OR9Q1: variants seen among roughly 807,000 people sequenced by gnomAD.
OR9Q1 encodes the protein olfactory receptor family 9 subfamily Q member 1.
For missense variants in OR9Q1, 374 were observed against 378.8 expected, an observed-to-expected ratio of 0.99 and a Z score of 0.11; for synonymous variants, 153 against 148.6, an observed-to-expected ratio of 1.03 and a Z score of -0.22.
intron 2 of OR9Q1, among the ~76,000 whole-genome samples, chr11:58,149,213 C>T (rs1854327490): frequency 6.6e-6 from 1 of 152,024 alleles, no homozygotes; most frequent in Non-Finnish European, 1.5e-5. Context: ...TAAAAATAGC[C>T]TGTTGACATC....
At chr11:58,156,790 T>C (rs551967208) in intron 2 of OR9Q1, among the ~76,000 whole-genome samples, 20 of 152,202 alleles carry the variant, frequency 1.3e-4, no homozygotes, top group Non-Finnish European at 2.6e-4. Context: ...TATCTATCCA[T>C]ATATTTGATA....
At chr11:58,085,320 C>A (rs895840871) in intron 2 of OR9Q1, among the ~76,000 whole-genome samples, 2 of 151,794 alleles carry the variant, frequency 1.3e-5, no homozygotes, top group Non-Finnish European at 2.9e-5. Context: ...GTGAGACCAT[C>A]ACCACAATCA....
chr11:58,044,875 T>C (rs757589860), intron 1 of OR9Q1: 3 of 152,196 alleles, frequency 2.0e-5, no homozygotes, highest in Non-Finnish European at 4.4e-5. Context: ...AATGGAGATA[T>C]AGATGGGGCA....
intron 2 of OR9Q1, among the ~76,000 whole-genome samples, chr11:58,169,680 A>T (rs1046699565): frequency 3.9e-5 from 6 of 151,914 alleles, no homozygotes. Flanking sequence ...TCAATTCAAA[A>T]TTTTTTCTCA....
intron 2 of OR9Q1, chr11:58,124,772 C>T (rs897909946): frequency 1.3e-5 from 2 of 152,212 alleles, no homozygotes; most frequent in Non-Finnish European, 2.9e-5. Context: ...CCCTGGTTCT[C>T]TGACCCCAGA....
At chr11:58,050,471 G>A (rs1477962564) in intron 1 of OR9Q1, among the ~76,000 whole-genome samples, 8 of 121,464 alleles carry the variant, frequency 6.6e-5, no homozygotes, top group African/African-American at 2.1e-4. Flanking sequence ...AGATTTAAAC[G>A]TTAGACCTAA....
rs150407754 is a variant in OR9Q1, at chr11:58,179,992, C to T, written c.548C>T (p.Pro183Leu). The T allele has an allele frequency of 1.4e-4, 227 of 1,614,042 alleles. 1 individual carries two copies. In the African/African-American group the frequency reaches 2.5e-3, roughly 18 times the overall value. The change falls in exon 3 of 3, where the codon CCT (proline) becomes CTT (leucine). Residue 183 changes from proline to leucine, a missense_variant. Coordinates refer to ENST00000335397, the MANE Select transcript of OR9Q1 (RefSeq NM_001005212.4). ...EIDFIFCDLPPLLKLTCGESY... is the reference protein window; with the variant it reads ...EIDFIFCDLPLLLKLTCGESY... Reference sequence around the variant, plus strand: ...GACTTTATTTTCTGTGACCTCCCTCCTCTGTTAAAGTTGACCTGTGGGGAG... The same window carrying T: ...GACTTTATTTTCTGTGACCTCCCTCTTCTGTTAAAGTTGACCTGTGGGGAG...
intron 2 of OR9Q1, among the ~76,000 whole-genome samples, chr11:58,123,268 A>T (rs571249829): frequency 6.6e-6 from 1 of 152,314 alleles, no homozygotes; most frequent in African/African-American, 2.4e-5. Flanking sequence ...TAATCTATGG[A>T]AACAAAGAAA....
chr11:58,168,137 C>A (rs1484340898), intron 2 of OR9Q1, among the ~76,000 whole-genome samples: 1 of 152,190 alleles, frequency 6.6e-6, no homozygotes, highest in Non-Finnish European at 1.5e-5. Context: ...CATCTACCCA[C>A]CATCCAGATT....
At chr11:58,112,327 T>C (rs1376903981) in intron 2 of OR9Q1, among the ~76,000 whole-genome samples, 1 of 151,882 alleles carries the variant, frequency 6.6e-6, no homozygotes, top group Non-Finnish European at 1.5e-5. Flanking sequence ...TATGTTTCTT[T>C]GAGGCGCTTA....
intron 2 of OR9Q1, among the ~76,000 whole-genome samples, chr11:58,120,522 T>C (rs1007043554): frequency 3.3e-5 from 5 of 152,024 alleles, no homozygotes; most frequent in African/African-American, 9.7e-5. Flanking sequence ...AGTTCTTTAG[T>C]GGTGATTTGT....
intron 2 of OR9Q1, among the ~76,000 whole-genome samples, chr11:58,071,965 G>A (rs1020205739): frequency 2.6e-5 from 4 of 152,224 alleles, no homozygotes; most frequent in Admixed American, 2.0e-4. Context: ...TGGGTACTGG[G>A]TCTAATTCCT....
intron 1 of OR9Q1, among the ~76,000 whole-genome samples, chr11:58,054,784 C>T (rs1417260983): frequency 6.6e-6 from 1 of 152,114 alleles, no homozygotes; most frequent in African/African-American, 2.4e-5. Flanking sequence ...ATTCGCCAGG[C>T]ATGGTGGTGC....
In OR9Q1 at chr11:58,053,297, A is replaced by C. The variant is rs1853286199; in HGVS notation, c.-92-2573A>C. On this transcript the variant is annotated intron_variant, in intron 1 of 2. Coordinates refer to ENST00000335397, the MANE Select transcript of OR9Q1 (RefSeq NM_001005212.4). ...AAAATGATGAGTTCATGTACTTTGC[A>C]GGGACATGGATGAAATTGGAAATCA... Among the ~76,000 whole-genome samples, 3 of 151,842 alleles carry C rather than the reference A, an allele frequency of 2.0e-5. No individual in the cohort carries two copies. In the South Asian group the frequency reaches 6.2e-4, roughly 32 times the overall value.
chr11:58,143,307 G>C (rs928445925), intron 2 of OR9Q1, among the ~76,000 whole-genome samples: 2 of 152,178 alleles, frequency 1.3e-5, no homozygotes, highest in Non-Finnish European at 2.9e-5. Flanking sequence ...ATTCAGAAAG[G>C]TTAATTAAAT....
rs1428921467 is a variant in OR9Q1, at chr11:58,180,445, A to G, written c.*68A>G. The G allele has an allele frequency of 1.1e-6, 1 of 927,566 alleles. No individual in the cohort carries two copies. The highest frequency in any genetic ancestry group is 1.8e-5 in the South Asian group (1 of 54,956). 57.5% of individuals were successfully genotyped at this position (927,566 alleles called of 1,614,324 possible). On this transcript the variant is annotated 3_prime_UTR_variant, in exon 3 of 3. Coordinates refer to ENST00000335397, the MANE Select transcript of OR9Q1 (RefSeq NM_001005212.4). ...AGTGTCAGAATTCTGGACGCTCATT[A>G]TTTATAGCATGCTCAATGTTTAAAT...
chr11:58,115,727 G>T (rs1245026632), intron 2 of OR9Q1, among the ~76,000 whole-genome samples: 1 of 152,098 alleles, frequency 6.6e-6, no homozygotes, highest in Non-Finnish European at 1.5e-5. Flanking sequence ...ATGGGGGTCT[G>T]CATATCTGTT....
chr11:58,144,649 G>C (rs1191361277), intron 2 of OR9Q1: 2 of 152,570 alleles, frequency 1.3e-5, no homozygotes, highest in African/African-American at 4.8e-5. Flanking sequence ...CTCGGCTCCA[G>C]ACTCCCATGT....
At chr11:58,155,998 C>T (rs748373574) in intron 2 of OR9Q1, among the ~76,000 whole-genome samples, 9 of 150,364 alleles carry the variant, frequency 6.0e-5, no homozygotes, top group Non-Finnish European at 8.8e-5. Flanking sequence ...AGTGCAACCT[C>T]CACCTCCCAG....
Sources: allele counts gnomAD v4.1 joint callset (sites outside exome capture counted in the v4.1 genomes callset), GRCh38; gene constraint gnomAD v4.1.1; transcripts MANE v1.5; gene names NCBI Gene and HGNC (gene_info 2026-07-23, HGNC 2026-07-21).